Variants in AGK observed in about 807,000 individuals in gnomAD.
AGK encodes acylglycerol kinase, mitochondrial.
Under a neutral mutation model 66.4 loss-of-function variants are expected in AGK, and 52 were observed. The ratio of observed to expected loss-of-function variants is 0.78; its 90% confidence interval spans 0.63 to 0.99. The LOEUF (loss-of-function observed/expected upper bound fraction) is 0.99. AGK is among the 50% of genes least tolerant of loss of function. AGK has a pLI of 0.00. For missense variants in AGK, 451 were observed against 506.6 expected, an observed-to-expected ratio of 0.89 and a Z score of 1.05; for synonymous variants, 182 against 181.1, an observed-to-expected ratio of 1.00 and a Z score of -0.04.
intron 2 of AGK, among the ~76,000 whole-genome samples, chr7:141,583,558 G>A (rs796934665): frequency 2.1e-4 from 31 of 146,416 alleles, no homozygotes; most frequent in Non-Finnish European, 4.2e-4. Flanking sequence ...AAGGGGTGGG[G>A]GGTGCTTGCC....
chr7:141,644,165 C>A (rs1249826629), intron 13 of AGK, among the ~76,000 whole-genome samples: 1 of 151,908 alleles, frequency 6.6e-6, no homozygotes, highest in Non-Finnish European at 1.5e-5. Flanking sequence ...TTATACATCT[C>A]CTTTATACCA....
At chr7:141,641,101 C>G in intron 11 of AGK, 147 bp from the exon 12 acceptor site, 1 of 665,374 alleles carries the variant, frequency 1.5e-6, no homozygotes, top group Non-Finnish European at 2.4e-6. Context: ...ATTCCATGCT[C>G]CAAACTAGCA....
At chr7:141,638,696 A>G (rs760537388) in intron 11 of AGK, among the ~76,000 whole-genome samples, 9 of 152,140 alleles carry the variant, frequency 5.9e-5, no homozygotes, top group Non-Finnish European at 1.0e-4. Context: ...AGAATGTAGG[A>G]TTATCAGATT....
chr7:141,631,457 T>C (rs527668542), intron 9 of AGK, among the ~76,000 whole-genome samples: 29 of 152,372 alleles, frequency 1.9e-4, no homozygotes, highest in Admixed American at 1.5e-3. Flanking sequence ...ATACAGTCTT[T>C]AAATGATCAC....
Position 141,654,280 on chromosome 7 carries a change from A to AT in AGK, c.*1358dup, listed in dbSNP as rs1789705125. The AT allele has an allele frequency of 3.9e-5, 6 of 152,314 alleles. No individual in the cohort carries two copies. The East Asian group carries it at 1.2e-3, about 29-fold the overall frequency. The allele number at this position is 152,314 out of a possible 1,614,324, so 9.4% of individuals were successfully genotyped here. On this transcript the variant is annotated 3_prime_UTR_variant, in exon 16 of 16. Transcript: ENST00000649286. ...TTTTATTAGAATGTTCTTTATCCTA[A>AT]TTAGTTCATTTATCCAAGAATACAT...
At chr7:141,595,940 C>A (rs1796216094) in intron 3 of AGK, among the ~76,000 whole-genome samples, 1 of 152,144 alleles carries the variant, frequency 6.6e-6, no homozygotes, top group Non-Finnish European at 1.5e-5. Context: ...ATCTGGAAAA[C>A]TGAGATTATT....
At chr7:141,633,081 G>C (rs1428304250) in intron 9 of AGK, among the ~76,000 whole-genome samples, 1 of 152,170 alleles carries the variant, frequency 6.6e-6, no homozygotes, top group Admixed American at 6.5e-5. Flanking sequence ...TGGGAATCAA[G>C]CTGGTTCTGC....
chr7:141,568,007 A>G (rs1174184266), intron 2 of AGK, among the ~76,000 whole-genome samples: 24 of 152,170 alleles, frequency 1.6e-4, no homozygotes, highest in Admixed American at 1.2e-3. Flanking sequence ...TGTCTGCTAG[A>G]TTTAAGGGTT....
chr7:141,635,755 G>T (rs1797156507), intron 10 of AGK, among the ~76,000 whole-genome samples: 1 of 152,128 alleles, frequency 6.6e-6, no homozygotes, highest in Non-Finnish European at 1.5e-5. Flanking sequence ...GGCTGCTCCA[G>T]TGATTTTAGG....
chr7:141,575,319 G>A (rs892190106), intron 2 of AGK, among the ~76,000 whole-genome samples: 8 of 152,306 alleles, frequency 5.3e-5, no homozygotes, highest in Middle Eastern at 3.4e-3. Flanking sequence ...AAATCACCAG[G>A]CCAGATGCTT....
intron 5 of AGK, among the ~76,000 whole-genome samples, chr7:141,606,320 T>A (rs1463692492): frequency 6.6e-6 from 1 of 152,194 alleles, no homozygotes; most frequent in East Asian, 1.9e-4. Flanking sequence ...GTATGGGCTA[T>A]CTAAGGAAGA....
chr7:141,652,693 C>T lies in AGK; in HGVS notation c.1132-94C>T, dbSNP rs1380984142. The T allele has an allele frequency of 2.2e-6, 3 of 1,357,616 alleles. No homozygotes were observed. The African/African-American group carries it at 4.4e-5, about 20-fold the overall frequency. 84.1% of individuals were successfully genotyped at this position (1,357,616 alleles called of 1,614,324 possible). A position where few individuals can be genotyped will look rare whatever the true frequency, so the allele number is the denominator to read the frequency against. On this transcript the variant is annotated intron_variant, in intron 15 of 15. Transcript: ENST00000649286. ...GCTCCTCAAGAGAGGATGTTGTTTT[C>T]CATAATGAACTTCTTCTGGTGCTGC...
At chr7:141,569,234 T>C (rs1444730019) in intron 2 of AGK, among the ~76,000 whole-genome samples, 1 of 152,106 alleles carries the variant, frequency 6.6e-6, no homozygotes, top group African/African-American at 2.4e-5. Flanking sequence ...ACTGAGAACG[T>C]ACTACTAATA....
At position 141,579,027 on chromosome 7, in the gene AGK, A is replaced by T. The variant is rs574002200; in HGVS notation, c.102-14119A>T. Among the ~76,000 whole-genome samples the T allele has an allele frequency of 2.0e-4, 27 of 134,538 alleles. No homozygotes were observed. The East Asian group carries it at 5.9e-3, about 29-fold the overall frequency. 88.3% of individuals were successfully genotyped at this position (134,538 alleles called of 152,430 possible). ...TTATGAGTAGTTGAGAATGGTGAAT[A>T]GGAGTATGACTAGACAGAAGATAGT... On this transcript the variant is annotated intron_variant, in intron 2 of 15. Transcript: ENST00000649286.
chr7:141,626,558 C>T (rs1305244177), intron 9 of AGK, among the ~76,000 whole-genome samples: 1 of 152,168 alleles, frequency 6.6e-6, no homozygotes, highest in African/African-American at 2.4e-5. Context: ...CATTGTCTGC[C>T]TCCCGAAGTG....
At chr7:141,633,875 T>C in intron 9 of AGK, 26 bp from the exon 10 acceptor site, 2 of 1,596,620 alleles carry the variant, frequency 1.3e-6, no homozygotes, top group Non-Finnish European at 1.7e-6. Context: ...AGTCATGAAT[T>C]TAAATGAAAT....
intron 2 of AGK, among the ~76,000 whole-genome samples, chr7:141,579,455 C>T (rs937026403): frequency 4.6e-5 from 7 of 151,780 alleles, no homozygotes; most frequent in African/African-American, 7.3e-5. Context: ...AAGAAATGAT[C>T]GCGGTGGCCT....
intron 8 of AGK, among the ~76,000 whole-genome samples, chr7:141,619,134 A>C (rs1232513223): frequency 1.3e-5 from 2 of 152,302 alleles, no homozygotes; most frequent in South Asian, 4.1e-4. Flanking sequence ...CAACTGATCT[A>C]TAAATTCAAT....
intron 7 of AGK, 115 bp from the exon 8 acceptor site, chr7:141,615,356 A>G (rs1796681028): frequency 1.4e-6 from 1 of 731,258 alleles, no homozygotes; most frequent in Non-Finnish European, 2.3e-6. Flanking sequence ...TGGAAAGGAG[A>G]TGGGGAGGCA....
Sources: gnomAD v4.1 joint callset for allele counts (sites outside exome capture counted in the v4.1 genomes callset) on GRCh38, gnomAD v4.1.1 for gene constraint, MANE v1.5 for transcripts, NCBI Gene and HGNC (gene_info 2026-07-23, HGNC 2026-07-21) for gene names.